KHDRBS2: variants seen among roughly 807,000 people sequenced by gnomAD.
KHDRBS2 encodes KH RNA binding domain containing, signal transduction associated 2, also known as KH domain-containing, RNA-binding, signal transduction-associated protein 2.
KHDRBS2 carries 26 observed loss-of-function variants against 44.3 expected under a neutral mutation model. The ratio of observed to expected loss-of-function variants is 0.59; its 90% CI spans 0.43 to 0.81. KHDRBS2 has a LOEUF of 0.81. KHDRBS2 is among the 40% of genes least tolerant of loss of function. The probability of loss-of-function intolerance (pLI) is 0.00; values close to 1 mark genes in which losing one functional copy is unlikely to be tolerated. For synonymous variants in KHDRBS2, 194 were observed against 151.1 expected, an observed-to-expected ratio of 1.28 and a Z score of -2.08; for missense variants, 476 against 433.1, an observed-to-expected ratio of 1.10 and a Z score of -0.88.
chr6:62,090,515 C>T (rs930442820), intron 2 of KHDRBS2, among the ~76,000 whole-genome samples: 1 of 151,480 alleles, frequency 6.6e-6, no homozygotes, highest in Non-Finnish European at 1.5e-5. Context: ...AATACCAATG[C>T]AATTCTCTAC....
intron 1 of KHDRBS2, among the ~76,000 whole-genome samples, chr6:62,283,154 T>G (rs756242964): frequency 6.6e-6 from 1 of 152,170 alleles, no homozygotes; most frequent in Non-Finnish European, 1.5e-5. Context: ...AACATTATTT[T>G]AATTATTTAA....
chr6:61,550,851 C>T, the KHDRBS2 span, among the ~76,000 whole-genome samples: 1 of 146,698 alleles, frequency 6.8e-6, no homozygotes, highest in Non-Finnish European at 1.5e-5. Context: ...CGGCTCACTG[C>T]AGCCTCCACC....
intron 4 of KHDRBS2, among the ~76,000 whole-genome samples, chr6:61,906,092 C>T (rs1221560169): frequency 2.6e-5 from 4 of 151,992 alleles, no homozygotes; most frequent in African/African-American, 4.8e-5. Flanking sequence ...GTGATCCACC[C>T]GCCTCGGCCT....
chr6:61,922,398 G>T (rs559141202), intron 4 of KHDRBS2, among the ~76,000 whole-genome samples: 1 of 152,018 alleles, frequency 6.6e-6, no homozygotes, highest in Non-Finnish European at 1.5e-5. Context: ...AGACACTGTT[G>T]ACCGTCAAGG....
chr6:61,925,342 A>G (rs1461731553), intron 4 of KHDRBS2, among the ~76,000 whole-genome samples: 1 of 152,218 alleles, frequency 6.6e-6, no homozygotes, highest in Non-Finnish European at 1.5e-5. Context: ...AGAGATGTAG[A>G]GATGTTAAGG....
At chr6:61,567,662 A>AAGG in the KHDRBS2 span, among the ~76,000 whole-genome samples, 1 of 151,644 alleles carries the variant, frequency 6.6e-6, no homozygotes, top group Non-Finnish European at 1.5e-5. Flanking sequence ...AACAAACAAA[A>AAGG]AAAAGGATTT....
intron 4 of KHDRBS2, among the ~76,000 whole-genome samples, chr6:61,908,100 A>G (rs1347787845): frequency 6.6e-6 from 1 of 152,182 alleles, no homozygotes; most frequent in Non-Finnish European, 1.5e-5. Context: ...ATTCATTAAA[A>G]AGTAAAAATA....
chr6:61,578,436 T>C, the KHDRBS2 span, among the ~76,000 whole-genome samples: 18 of 152,178 alleles, frequency 1.2e-4, no homozygotes, highest in African/African-American at 4.1e-4. Flanking sequence ...TCCCGGACTT[T>C]TATAGAATGA....
intron 7 of KHDRBS2, among the ~76,000 whole-genome samples, chr6:61,716,785 T>A (rs1771511313): frequency 2.6e-5 from 4 of 152,042 alleles, no homozygotes; most frequent in Admixed American, 2.6e-4. Flanking sequence ...CACCTACCAG[T>A]GAAACCAGAA....
intron 6 of KHDRBS2, among the ~76,000 whole-genome samples, chr6:61,770,855 G>T (rs1217807738): frequency 6.6e-6 from 1 of 152,184 alleles, no homozygotes; most frequent in Admixed American, 6.5e-5. Flanking sequence ...GATACTCCTC[G>T]AGAAGAGCAA....
At chr6:61,702,920 T>C (rs9344441) in intron 7 of KHDRBS2, among the ~76,000 whole-genome samples, 1 of 151,506 alleles carries the variant, frequency 6.6e-6, no homozygotes, top group Non-Finnish European at 1.5e-5. Flanking sequence ...TCAATGCAGC[T>C]AACATTATAT....
intron 3 of KHDRBS2, among the ~76,000 whole-genome samples, chr6:62,038,844 G>T (rs1383056166): frequency 6.6e-6 from 1 of 152,050 alleles, no homozygotes; most frequent in East Asian, 1.9e-4. Flanking sequence ...TTGCATCAAA[G>T]ATTTTTCTAA....
chr6:61,736,577 G>C (rs1356792584), intron 6 of KHDRBS2, among the ~76,000 whole-genome samples: 1 of 151,982 alleles, frequency 6.6e-6, no homozygotes, highest in African/African-American at 2.4e-5. Context: ...CCAACAGGAG[G>C]CAAGGCAGTT....
At chr6:61,869,627 G>A (rs1277175882) in intron 6 of KHDRBS2, among the ~76,000 whole-genome samples, 3 of 152,204 alleles carry the variant, frequency 2.0e-5, no homozygotes, top group African/African-American at 4.8e-5. Context: ...GATTGACGCA[G>A]AAGACGGTGA....
intron 6 of KHDRBS2, among the ~76,000 whole-genome samples, chr6:61,850,674 A>C (rs770475351): frequency 4.2e-4 from 64 of 152,176 alleles, no homozygotes; most frequent in South Asian, 2.9e-3. Flanking sequence ...TAGTTATTGT[A>C]ATTTCAGGCA....
At chr6:61,661,930 G>A in the KHDRBS2 span, among the ~76,000 whole-genome samples, 1 of 151,570 alleles carries the variant, frequency 6.6e-6, no homozygotes, top group Non-Finnish European at 1.5e-5. Flanking sequence ...AAAAGAGCCC[G>A]CATCGCCAAG....
intron 6 of KHDRBS2, among the ~76,000 whole-genome samples, chr6:61,736,212 T>TCACACACA (rs376298733): frequency 0.21 from 28,604 of 135,356 alleles, 3,197 homozygotes; most frequent in Middle Eastern, 0.27. Context: ...TTACTTTACT[T>TCACACACA]CACACACACA....
At chr6:62,065,745 G>C (rs944549688) in intron 2 of KHDRBS2, among the ~76,000 whole-genome samples, 2 of 148,804 alleles carry the variant, frequency 1.3e-5, no homozygotes, top group African/African-American at 5.0e-5. Context: ...TAACTAACCT[G>C]CACAATGTGC....
At chr6:61,638,604 C>A in the KHDRBS2 span, among the ~76,000 whole-genome samples, 18 of 152,102 alleles carry the variant, frequency 1.2e-4, no homozygotes, top group Non-Finnish European at 2.4e-4. Context: ...TGGGCAAGGA[C>A]TTCATGTCTA....
Sources: gnomAD v4.1 joint callset for allele counts (sites outside exome capture counted in the v4.1 genomes callset) on GRCh38, gnomAD v4.1.1 for gene constraint, MANE v1.5 for transcripts, NCBI Gene and HGNC (gene_info 2026-07-23, HGNC 2026-07-21) for gene names.